The following ADGRB3 variants were observed in gnomAD, a reference collection of about 807,000 sequenced individuals.
The protein encoded by ADGRB3 is brain-specific angiogenesis inhibitor 3.
ADGRB3 carries 37 observed loss-of-function variants against 193.4 expected under a neutral mutation model. The observed-to-expected ratio is 0.19, with a 90% CI of 0.15 to 0.25. The LOEUF is 0.25. Among genes scored for constraint, ADGRB3 ranks in the 10% least tolerant of loss-of-function variants. ADGRB3 has a pLI of 1.00. For synonymous variants in ADGRB3, 690 were observed against 644.2 expected (o/e 1.07, Z -1.08); for missense variants, 1,637 against 1,852.9 (o/e 0.88, Z 2.14).
chr6:69,147,611 A>G (rs1222649238), intron 17 of ADGRB3, among the ~76,000 whole-genome samples: 1 of 152,158 alleles, frequency 6.6e-6, no homozygotes, highest in African/African-American at 2.4e-5. Context: ...AAGAATGTGC[A>G]TTCTGCAGCT....
At chr6:69,122,985 T>C (rs544214382) in intron 17 of ADGRB3, among the ~76,000 whole-genome samples, 2 of 136,336 alleles carry the variant, frequency 1.5e-5, no homozygotes, top group Non-Finnish European at 3.2e-5. Flanking sequence ...TATATATATA[T>C]ACACATACGT....
chr6:69,087,997 T>A (rs1229247446), intron 17 of ADGRB3, among the ~76,000 whole-genome samples: 1 of 152,192 alleles, frequency 6.6e-6, no homozygotes, highest in African/African-American at 2.4e-5. Flanking sequence ...AGAAAATCTA[T>A]TTTCTATAGT....
chr6:69,267,750 A>G (rs1171813979), intron 20 of ADGRB3, among the ~76,000 whole-genome samples: 1 of 152,154 alleles, frequency 6.6e-6, no homozygotes, highest in African/African-American at 2.4e-5. Flanking sequence ...GCTACTAATT[A>G]CAAAATTTTA....
intron 3 of ADGRB3, among the ~76,000 whole-genome samples, chr6:68,747,585 A>C (rs964425214): frequency 2.0e-5 from 3 of 152,202 alleles, no homozygotes; most frequent in Non-Finnish European, 1.5e-5. Context: ...TAATTCATCT[A>C]AGTACTTTAA....
At chr6:68,688,009 A>C (rs1234940617) in intron 3 of ADGRB3, among the ~76,000 whole-genome samples, 1 of 152,196 alleles carries the variant, frequency 6.6e-6, no homozygotes, top group Non-Finnish European at 1.5e-5. Flanking sequence ...GAGAAATATA[A>C]TGTTATCTCT....
chr6:69,139,784 G>C (rs1349099402), intron 17 of ADGRB3, among the ~76,000 whole-genome samples: 1 of 152,154 alleles, frequency 6.6e-6, no homozygotes, highest in Non-Finnish European at 1.5e-5. Flanking sequence ...AGATCTGTCT[G>C]TTGTCTTAAC....
chr6:69,096,721 C>T lies in ADGRB3; in HGVS notation c.2480+20683C>T, dbSNP rs777265053. Among the ~76,000 whole-genome samples, 28 of 152,192 alleles carry T rather than the reference C, an allele frequency of 1.8e-4. 1 individual carries two copies. Among genetic ancestry groups the T allele is most frequent in the Non-Finnish European group, 3.7e-4 (25 of 68,010 alleles). ...TAGCTGCTAGTCAGTTTTAAGTCACCGGTATACCCTGCCCAAATATGGTAG... is the reference window on the plus strand; with the variant it reads ...TAGCTGCTAGTCAGTTTTAAGTCACTGGTATACCCTGCCCAAATATGGTAG... On this transcript the variant is annotated intron_variant, in intron 17 of 31. Coordinates refer to ENST00000370598, the MANE Select transcript of ADGRB3 (RefSeq NM_001704.3).
intron 29 of ADGRB3, among the ~76,000 whole-genome samples, chr6:69,363,815 T>C (rs540619052): frequency 2.2e-4 from 34 of 152,184 alleles, no homozygotes; most frequent in African/African-American, 7.9e-4. Context: ...GCATGATGCA[T>C]TGTCAAGTAG....
chr6:69,124,119 ACT>A lies in ADGRB3; in HGVS notation c.2480+48086_2480+48087del, dbSNP rs1180048366. Among the ~76,000 whole-genome samples, 3 of 151,474 alleles carry A rather than the reference ACT, an allele frequency of 2.0e-5. No homozygotes were observed. The South Asian group carries it at 6.3e-4, about 32-fold the overall frequency. On this transcript the variant is annotated intron_variant, in intron 17 of 31. Coordinates refer to ENST00000370598, the MANE Select transcript of ADGRB3 (RefSeq NM_001704.3). Reference sequence around the variant, plus strand: ...TTTTTTTTTGTAGGTGACATTTTTAACTCTCTGTAATTTTTGACGTATCTTTA... The same window carrying A: ...TTTTTTTTTGTAGGTGACATTTTTAACTCTGTAATTTTTGACGTATCTTTA...
chr6:69,345,635 C>T (rs909735387), intron 26 of ADGRB3, among the ~76,000 whole-genome samples: 5 of 152,064 alleles, frequency 3.3e-5, no homozygotes, highest in African/African-American at 9.7e-5. Context: ...ATGACAAACC[C>T]ACAGCCAATA....
chr6:69,030,632 G>A (rs1172455966), intron 13 of ADGRB3, among the ~76,000 whole-genome samples: 3 of 152,164 alleles, frequency 2.0e-5, no homozygotes, highest in Non-Finnish European at 2.9e-5. Context: ...GGGGGGCTAG[G>A]GGAGGGAATA....
chr6:68,738,036 G>C (rs1387536291), intron 3 of ADGRB3, among the ~76,000 whole-genome samples: 1 of 152,148 alleles, frequency 6.6e-6, no homozygotes, highest in Admixed American at 6.6e-5. Flanking sequence ...TGACTAAAGT[G>C]ATCAAGAAAG....
chr6:69,309,468 G>A (rs1768135654), intron 20 of ADGRB3, among the ~76,000 whole-genome samples: 1 of 151,676 alleles, frequency 6.6e-6, no homozygotes, highest in Admixed American at 6.6e-5. Context: ...AATATTTCAT[G>A]CATTGAGAGG....
At chr6:69,046,590 TTACA>T (rs1771244751) in intron 13 of ADGRB3, among the ~76,000 whole-genome samples, 1 of 152,200 alleles carries the variant, frequency 6.6e-6, no homozygotes, top group Non-Finnish European at 1.5e-5. Flanking sequence ...TTAACATTAC[TTACA>T]AAGTACTTTT....
intron 23 of ADGRB3, chr6:69,332,261 A>C: frequency 1.0e-6 from 1 of 985,380 alleles, no homozygotes; most frequent in Non-Finnish European, 1.2e-6. Flanking sequence ...AAGACCTTTT[A>C]AGTGAGAATA....
chr6:69,032,005 G>A (rs1770725856), intron 13 of ADGRB3, among the ~76,000 whole-genome samples: 1 of 152,148 alleles, frequency 6.6e-6, no homozygotes, highest in Non-Finnish European at 1.5e-5. Flanking sequence ...CCTAGGGAAG[G>A]TATAAAGAGA....
intron 20 of ADGRB3, among the ~76,000 whole-genome samples, chr6:69,255,621 G>A (rs1184049847): frequency 2.6e-5 from 4 of 152,072 alleles, no homozygotes; most frequent in African/African-American, 9.7e-5. Context: ...CAGATGAGTA[G>A]GTTGCAAAAA....
chr6:69,326,838 A>G (rs546610068), intron 21 of ADGRB3, among the ~76,000 whole-genome samples: 2 of 152,120 alleles, frequency 1.3e-5, no homozygotes, highest in East Asian at 3.9e-4. Flanking sequence ...GAAGAGGAGG[A>G]AAGGGAGGAT....
Position 68,993,809 on chromosome 6 carries a change from T to C in ADGRB3, c.1776T>C (p.Gly592=). Residue 592 remains glycine (G), a synonymous_variant, in exon 11 of 32, where the codon GGT becomes GGC. Coordinates refer to ENST00000370598, the MANE Select transcript of ADGRB3 (RefSeq NM_001704.3). ...CTAAGGGGCAGCGAATGCTGGCAGG[T>C]GATGGAATGTCCCAGGTGACCAAGA... ...HLAKGQRMLA[G]DGMSQVTKTL... 2.5e-6 allele frequency: 4 copies of C among 1,613,874 alleles called. No homozygotes were observed. The highest frequency in any genetic ancestry group is 3.4e-6 in the Non-Finnish European group (4 of 1,179,804).
Sources: gnomAD v4.1 joint callset for allele counts (sites outside exome capture counted in the v4.1 genomes callset) on GRCh38, gnomAD v4.1.1 for gene constraint, MANE v1.5 for transcripts, NCBI Gene and HGNC (gene_info 2026-07-23, HGNC 2026-07-21) for gene names.